Variants in ICAM5 observed in about 807,000 individuals in gnomAD.
ICAM5 encodes the protein ICAM-5.
A neutral mutation model predicts 78.8 loss-of-function variants in ICAM5; 38 were observed. The observed-to-expected ratio is 0.48, with a 90% CI of 0.37 to 0.63. The LOEUF is 0.63. ICAM5 is among the 30% of genes least tolerant of loss of function. The pLI, the probability that ICAM5 is intolerant of heterozygous loss-of-function variation, is 0.00. For synonymous variants in ICAM5, 544 were observed against 590.9 expected, an observed-to-expected ratio of 0.92 and a Z score of 1.15; for missense variants, 1,059 against 1,303.0, an observed-to-expected ratio of 0.81 and a Z score of 2.88.
At chr19:10,291,991 T>A (rs758228996) in intron 3 of ICAM5, 44 bp from the exon 4 acceptor site, 1 of 1,590,870 alleles carries the variant, frequency 6.3e-7, no homozygotes, top group South Asian at 1.1e-5. Flanking sequence ...TTAGGACATA[T>A]TGAGCGCTCG....
In ICAM5 at chr19:10,293,684, A is replaced by G. The variant is rs768429598; in HGVS notation, c.1466-14A>G. The G allele has an allele frequency of 5.0e-6, 8 of 1,608,906 alleles. No individual in the cohort carries two copies. The highest frequency in any genetic ancestry group is 8.5e-7 in the Non-Finnish European group (1 of 1,176,784). ...CCCCAAACCCCAAAGCCAACAATAC[A>G]CTCCCTCCTCCAGACGCACCAGCGC... On this transcript the variant is annotated splice_polypyrimidine_tract_variant and intron_variant, in intron 6 of 10. Transcript: ENST00000221980. This position sits in a 1 kb window ranked among gnomAD's most constrained non-coding sequence, Gnocchi z 5.0.
At position 10,293,487 on chromosome 19, in the gene ICAM5, G is replaced by A. The variant is rs2040193248; in HGVS notation, c.1466-211G>A. The stretch of plus-strand genomic sequence containing the variant: ...CGTGGAAAGGCGGGCAGTCCAGAGT[G>A]TTTAAGTTTTTAGACGAAAAAGGCG... On this transcript the variant is annotated intron_variant, in intron 6 of 10. Coordinates refer to ENST00000221980, the MANE Select transcript of ICAM5 (RefSeq NM_003259.4). This position sits in a 1 kb window ranked among gnomAD's most constrained non-coding sequence, Gnocchi z 5.0. Among the ~76,000 whole-genome samples the A allele has an allele frequency of 6.6e-6, 1 of 152,160 alleles. No homozygotes were observed. Among genetic ancestry groups the A allele is most frequent in the Admixed American group, 6.5e-5 (1 of 15,276 alleles).
Position 10,294,103 on chromosome 19 carries a change from G to A in ICAM5, c.1775G>A (p.Arg592His), listed in dbSNP as rs200192686. The A allele has an allele frequency of 1.3e-5, 21 of 1,598,324 alleles. No individual in the cohort carries two copies. Among genetic ancestry groups the A allele is most frequent in the Admixed American group, 7.1e-5 (4 of 56,086 alleles). Reference sequence around the variant, plus strand: ...TGGACATGGGTGGAAGGATCTGGGCGCCTGTTTTCCTGTGAGGTCGATGGG... The same window carrying A: ...TGGACATGGGTGGAAGGATCTGGGCACCTGTTTTCCTGTGAGGTCGATGGG... ...SNWTWVEGSG[R>H]LFSCEVDGKP... The change falls in exon 8 of 11, where the codon CGC (arginine) becomes CAC (histidine). Residue 592 changes from arginine (R) to histidine (H), a missense_variant. Transcript: ENST00000221980. The surrounding 1 kb of genome is among the most constrained non-coding windows in gnomAD (Gnocchi z 7.7).
At chr19:10,295,239 C>T in intron 9 of ICAM5, 107 bp from the exon 10 acceptor site, 1 of 1,268,452 alleles carries the variant, frequency 7.9e-7, no homozygotes, top group Non-Finnish European at 1.0e-6. Flanking sequence ...CCTCTTCTGC[C>T]CATCAGAGGC....
rs1276564951 is a variant in ICAM5 at position 10,293,281 on chromosome 19, G to T, written c.1465+35G>T. 1 of 1,541,498 alleles carries T rather than the reference G, an allele frequency of 6.5e-7. No individual in the cohort carries two copies. The highest frequency in any genetic ancestry group is 2.3e-5 in the East Asian group (1 of 44,134). Reference sequence around the variant, plus strand: ...GGTGCGCAGGGTGCATTTCTATCTGGTTCAAGGTCTGGAGGGTGGCCAGCC... The same window carrying T: ...GGTGCGCAGGGTGCATTTCTATCTGTTTCAAGGTCTGGAGGGTGGCCAGCC... On this transcript the variant is annotated intron_variant, in intron 6 of 10. Coordinates refer to ENST00000221980, the MANE Select transcript of ICAM5 (RefSeq NM_003259.4). This position sits in a 1 kb window ranked among gnomAD's most constrained non-coding sequence, Gnocchi z 5.0.
Position 10,294,195 on chromosome 19 carries a change from G to A in ICAM5, c.1867G>A (p.Ala623Thr), listed in dbSNP as rs1272905228. ...CACTGAGGGGGTGCTGCTGCCGCTG[G>A]CACCCCCAGACCCTAGTCCCAGAGC... ...GATEGVLLPLAPPDPSPRAPR... is the reference protein window; with the variant it reads ...GATEGVLLPLTPPDPSPRAPR... The change falls in exon 8 of 11, where the codon GCA becomes ACA. Residue 623 changes from alanine to threonine, a missense_variant. By Grantham distance (58) the Ala-to-Thr change is moderately conservative. Coordinates refer to ENST00000221980, the MANE Select transcript of ICAM5 (RefSeq NM_003259.4). This position sits in a 1 kb window ranked among gnomAD's most constrained non-coding sequence, Gnocchi z 7.7. 8.7e-6 allele frequency: 14 copies of A among 1,613,972 alleles called. No homozygotes were observed. The highest frequency in any genetic ancestry group is 2.2e-5 in the East Asian group (1 of 44,872).
rs1159638197 is a variant in ICAM5 at position 10,291,175 on chromosome 19, G to C, written c.186G>C (p.Pro62=). 3 of 1,612,282 alleles carry C rather than the reference G, an allele frequency of 1.9e-6. No individual in the cohort carries two copies. Among genetic ancestry groups the C allele is most frequent in the Non-Finnish European group, 2.5e-6 (3 of 1,179,876 alleles). ...WLNCSTNCPR[P]ERGGLETSLR... ...ATTGCAGCACCAACTGCCCTCGGCCGGAGCGCGGTGGCCTGGAGACCTCGC... is the reference window on the plus strand; with the variant it reads ...ATTGCAGCACCAACTGCCCTCGGCCCGAGCGCGGTGGCCTGGAGACCTCGC... Residue 62 remains proline, a synonymous_variant, in exon 2 of 11, where the codon CCG becomes CCC. Transcript: ENST00000221980.
chr19:10,292,406 G>A (rs2040181347), intron 4 of ICAM5, 84 bp downstream of exon 4: 1 of 1,463,906 alleles, frequency 6.8e-7, no homozygotes, highest in South Asian at 1.3e-5. Context: ...CGGGACCTCA[G>A]TACCGGAACA....
Position 10,295,551 on chromosome 19 carries a change from C to T in ICAM5, c.2436C>T (p.Tyr812=), listed in dbSNP as rs1599282285. The part of the protein sequence containing the change: ...AGAMGSHGGE[Y]ECAATNAHGR... Reference sequence around the variant, plus strand: ...CCATGGGAAGCCACGGCGGCGAGTACGAGTGCGCAGCCACCAACGCGCACG... The same window carrying T: ...CCATGGGAAGCCACGGCGGCGAGTATGAGTGCGCAGCCACCAACGCGCACG... The change falls in exon 10 of 11, where the codon TAC becomes TAT. Residue 812 remains tyrosine, a synonymous_variant. Transcript: ENST00000221980. The T allele has an allele frequency of 6.5e-7, 1 of 1,547,284 alleles. No individual in the cohort carries two copies. Among genetic ancestry groups the T allele is most frequent in the African/African-American group, 1.4e-5 (1 of 73,160 alleles).
chr19:10,293,284 C>A lies in ICAM5; in HGVS notation c.1465+38C>A. 1 of 1,540,248 alleles carries A rather than the reference C, an allele frequency of 6.5e-7. No individual in the cohort carries two copies. The highest frequency in any genetic ancestry group is 1.3e-5 in the South Asian group (1 of 79,976). On this transcript the variant is annotated intron_variant, in intron 6 of 10. Transcript: ENST00000221980. The surrounding 1 kb of genome is among the most constrained non-coding windows in gnomAD (Gnocchi z 5.0). Reference sequence around the variant, plus strand: ...GCGCAGGGTGCATTTCTATCTGGTTCAAGGTCTGGAGGGTGGCCAGCCTCC... The same window carrying A: ...GCGCAGGGTGCATTTCTATCTGGTTAAAGGTCTGGAGGGTGGCCAGCCTCC...
rs748527748 is a variant in ICAM5 at position 10,294,659 on chromosome 19, G to A, written c.2230+19G>A. 3.8e-5 allele frequency: 61 copies of A among 1,612,222 alleles called. No homozygotes were observed. The highest frequency in any genetic ancestry group is 2.3e-4 in the Admixed American group (14 of 59,692). The stretch of plus-strand genomic sequence containing the variant: ...GTGGAATGTGAGTGGGGGCAGCACC[G>A]GATGGAGGGGACACGGTCCTCGGAA... On this transcript the variant is annotated intron_variant, in intron 9 of 10. Transcript: ENST00000221980. The surrounding 1 kb of genome is among the most constrained non-coding windows in gnomAD (Gnocchi z 7.7).
At chr19:10,295,658 G>C in intron 10 of ICAM5, 46 bp downstream of exon 10, 1 of 1,509,276 alleles carries the variant, frequency 6.6e-7, no homozygotes, top group South Asian at 1.3e-5. Flanking sequence ...CTGAGAGGGG[G>C]CGTGACCTGG....
At position 10,294,287 on chromosome 19, in the gene ICAM5, C is replaced by T; in HGVS notation, c.1959C>T (p.Ser653=). The T allele has an allele frequency of 8.1e-6, 13 of 1,613,392 alleles. No individual in the cohort carries two copies. Among genetic ancestry groups the T allele is most frequent in the Non-Finnish European group, 1.1e-5 (13 of 1,179,894 alleles). Reference sequence around the variant, plus strand: ...GCAACGCCACCAACCGCCACGGCTCCGTGGCCAAAACAGTCGTCGTGAGCG... The same window carrying T: ...GCAACGCCACCAACCGCCACGGCTCTGTGGCCAAAACAGTCGTCGTGAGCG... The part of the protein sequence containing the change: ...YVCNATNRHG[S]VAKTVVVSAE... Residue 653 remains serine (S), a synonymous_variant, in exon 8 of 11, where the codon TCC becomes TCT. Coordinates refer to ENST00000221980, the MANE Select transcript of ICAM5 (RefSeq NM_003259.4). This position sits in a 1 kb window ranked among gnomAD's most constrained non-coding sequence, Gnocchi z 7.7.
At position 10,293,391 on chromosome 19, in the gene ICAM5, G is replaced by A; in HGVS notation, c.1465+145G>A. 1 of 1,193,104 alleles carries A rather than the reference G, an allele frequency of 8.4e-7. No individual in the cohort carries two copies. Among genetic ancestry groups the A allele is most frequent in the Non-Finnish European group, 1.2e-6 (1 of 868,042 alleles). The allele number at this position is 1,193,104 out of a possible 1,614,324, so 73.9% of individuals were successfully genotyped here. ...GAAGAGGCTGGTTAGTGGGGTTGGA[G>A]AAAGATCTTGGAGGATGGAAGGGAC... On this transcript the variant is annotated intron_variant, in intron 6 of 10. Coordinates refer to ENST00000221980, the MANE Select transcript of ICAM5 (RefSeq NM_003259.4). This position sits in a 1 kb window ranked among gnomAD's most constrained non-coding sequence, Gnocchi z 5.0.
In ICAM5 at chr19:10,292,673, A is replaced by G; in HGVS notation, c.1023A>G (p.Thr341=). 1 of 1,609,166 alleles carries G rather than the reference A, an allele frequency of 6.2e-7. No homozygotes were observed. Among genetic ancestry groups the G allele is most frequent in the Non-Finnish European group, 8.5e-7 (1 of 1,178,056 alleles). The change falls in exon 5 of 11, where the codon ACA becomes ACG. Residue 341 remains threonine, a synonymous_variant. Transcript: ENST00000221980. ...EPSVSEGQMV[T]VTCAAGAQAL... ...GCGTCTCCGAGGGGCAGATGGTGAC[A>G]GTAACCTGCGCAGCTGGGGCCCAAG...
At position 10,296,366 on chromosome 19, in the gene ICAM5, G is replaced by T; in HGVS notation, c.2525G>T (p.Gly842Val). Reference sequence around the variant, plus strand: ...CCGTGGCTATGGGTCGCCGTGGGCGGCGCGGCGGGGGGCGCGGCGCTGCTG... The same window carrying T: ...CCGTGGCTATGGGTCGCCGTGGGCGTCGCGGCGGGGGGCGCGGCGCTGCTG... ...AGPWLWVAVG[G>V]AAGGAALLAA... is the part of the protein sequence containing the mutation. The change falls in exon 11 of 11, where the codon GGC becomes GTC. Residue 842 changes from glycine to valine, a missense_variant. Coordinates refer to ENST00000221980, the MANE Select transcript of ICAM5 (RefSeq NM_003259.4). 8.0e-7 allele frequency: 1 copy of T among 1,253,116 alleles called. No homozygotes were observed. The highest frequency in any genetic ancestry group is 1.0e-6 in the Non-Finnish European group (1 of 991,372). The allele number at this position is 1,253,116 out of a possible 1,614,324, so 77.6% of individuals were successfully genotyped here. A position where few individuals can be genotyped will look rare whatever the true frequency, so the allele number is the denominator to read the frequency against.
In ICAM5 at chr19:10,292,730, G is replaced by T. The variant is rs1434378609; in HGVS notation, c.1080G>T (p.Ala360=). 1.9e-6 allele frequency: 3 copies of T among 1,613,240 alleles called. No individual in the cohort carries two copies. Among genetic ancestry groups the T allele is most frequent in the East Asian group, 2.2e-5 (1 of 44,882 alleles). ...ALVTLEGVPA[A]VPGQPAQLQL... is the part of the protein sequence containing the mutation. ...TCACACTGGAGGGAGTTCCAGCCGC[G>T]GTCCCGGGGCAGCCCGCCCAGCTTC... Residue 360 remains alanine (A), a synonymous_variant, in exon 5 of 11, where the codon GCG becomes GCT. Coordinates refer to ENST00000221980, the MANE Select transcript of ICAM5 (RefSeq NM_003259.4).
rs1390556525 is a variant in ICAM5, at chr19:10,291,180, G to A, written c.191G>A (p.Arg64His). 1.2e-6 allele frequency: 2 copies of A among 1,612,284 alleles called. No individual in the cohort carries two copies. Among genetic ancestry groups the A allele is most frequent in the East Asian group, 2.2e-5 (1 of 44,872 alleles). Residue 64 changes from arginine (R) to histidine (H), a missense_variant, in exon 2 of 11, where the codon CGC (arginine) becomes CAC (histidine). Arg to His is a conservative substitution (Grantham distance 29). Transcript: ENST00000221980. ...AGCACCAACTGCCCTCGGCCGGAGC[G>A]CGGTGGCCTGGAGACCTCGCTGCGC... ...NCSTNCPRPE[R>H]GGLETSLRRN...
In ICAM5 at chr19:10,293,218, G is replaced by T; in HGVS notation, c.1437G>T (p.Ala479=). 2 of 1,595,866 alleles carry T rather than the reference G, an allele frequency of 1.3e-6. No homozygotes were observed. Among genetic ancestry groups the T allele is most frequent in the South Asian group, 1.1e-5 (1 of 88,792 alleles). The change falls in exon 6 of 11, where the codon GCG becomes GCT. Residue 479 remains alanine, a synonymous_variant. Coordinates refer to ENST00000221980, the MANE Select transcript of ICAM5 (RefSeq NM_003259.4). The surrounding 1 kb of genome is among the most constrained non-coding windows in gnomAD (Gnocchi z 5.0). ...AGGCGGCCAATGATCAAGGCGAGGCGGTCAAGGACGTAACGCTAACGGTGG... is the reference window on the plus strand; with the variant it reads ...AGGCGGCCAATGATCAAGGCGAGGCTGTCAAGGACGTAACGCTAACGGTGG... ...RCKAANDQGE[A]VKDVTLTVEY...
Sources: allele counts gnomAD v4.1 joint callset (sites outside exome capture counted in the v4.1 genomes callset), GRCh38; gene constraint gnomAD v4.1.1; non-coding constraint Gnocchi (gnomAD v3.1); transcripts MANE v1.5; gene names NCBI Gene and HGNC (gene_info 2026-07-23, HGNC 2026-07-21).